Variants in MUC4 observed in about 807,000 individuals in gnomAD.
MUC4 encodes the protein mucin-4.
A neutral mutation model predicts 257.9 loss-of-function variants in MUC4; 202 were observed. The ratio of observed to expected loss-of-function variants is 0.78; its 90% CI spans 0.70 to 0.88. The LOEUF is 0.88. Among genes scored for constraint, MUC4 ranks in the 40% least tolerant of loss-of-function variants. The pLI, the probability that MUC4 is intolerant of heterozygous loss-of-function variation, is 0.00. For synonymous variants in MUC4, 2,351 were observed against 2,757.1 expected (o/e 0.85, Z 4.62); for missense variants, 5,976 against 6,513.7 (o/e 0.92, Z 2.84).
At position 195,780,380 on chromosome 3, in the gene MUC4, G is replaced by A. The variant is rs879693844; in HGVS notation, c.11200C>T (p.Pro3734Ser). The A allele has an allele frequency of 1.2e-6, 1 of 856,188 alleles. No homozygotes were observed. The highest frequency in any genetic ancestry group is 1.6e-6 in the Non-Finnish European group (1 of 627,126). The allele number at this position is 856,188 out of a possible 1,614,324, so 53.0% of individuals were successfully genotyped here. The change falls in exon 2 of 25, where the codon CCT becomes TCT. Residue 3734 changes from proline to serine, a missense_variant. By Grantham distance (74) the Pro-to-Ser change is moderately conservative. This residue lies in a region of MUC4 where 330 missense variants were observed against 262.0 expected (regional missense o/e 1.26). Coordinates refer to ENST00000463781, the MANE Select transcript of MUC4 (RefSeq NM_018406.7). The stretch of plus-strand genomic sequence containing the variant: ...ACGTGACCTGTGGATGCTGAGGAAG[G>A]GCTGGTGACATGAAGAGGGGTGACG... ...GHVTPLHVTS[P>S]SSASTGHVTP...
At chr3:195,800,104 C>T (rs1735106043) in intron 1 of MUC4, among the ~76,000 whole-genome samples, 1 of 151,960 alleles carries the variant, frequency 6.6e-6, no homozygotes, top group African/African-American at 2.4e-5. Context: ...ATGATGAAAC[C>T]CCATCTCTAC....
chr3:195,756,597 TCTTTC>T (rs1386120402), intron 18 of MUC4, among the ~76,000 whole-genome samples: 27 of 149,812 alleles, frequency 1.8e-4, no homozygotes, highest in African/African-American at 6.1e-4. Context: ...CCTTTCCCTT[TCTTTC>T]CTTTCCTTTC....
At position 195,757,713 on chromosome 3, in the gene MUC4, C is replaced by CA. The variant is rs746798053; in HGVS notation, c.14987-386dup. 3.0e-4 allele frequency among the ~76,000 whole-genome samples: 46 copies of CA among 152,200 alleles called. No homozygotes were observed. Among genetic ancestry groups the CA allele is most frequent in the Admixed American group, 3.0e-3 (46 of 15,284 alleles). On this transcript the variant is annotated intron_variant, in intron 17 of 24. Coordinates refer to ENST00000463781, the MANE Select transcript of MUC4 (RefSeq NM_018406.7). This position sits in a 1 kb window ranked among gnomAD's most constrained non-coding sequence, Gnocchi z 4.8. ...CTGCCGGCCAAACTGGCTTCACTCT[C>CA]ACGGCAGCCCCATCCTTTGCCCTGA...
At chr3:195,754,907 GTGTGTCATGCATGTATGCA>G (rs1560227342) in intron 18 of MUC4, among the ~76,000 whole-genome samples, 31 of 46,340 alleles carry the variant, frequency 6.7e-4, no homozygotes, top group African/African-American at 2.0e-3. Context: ...GTATGTATGT[GTGTGTCATGCATGTATGCA>G]TGTATCCATG....
intron 19 of MUC4, chr3:195,753,935 C>T (rs1041282401): frequency 1.7e-5 from 7 of 402,552 alleles, no homozygotes; most frequent in Admixed American, 8.9e-5. Flanking sequence ...CCCATCAATG[C>T]CTCAGGGATG....
chr3:195,799,915 C>T (rs1735081607), intron 1 of MUC4, among the ~76,000 whole-genome samples: 1 of 152,132 alleles, frequency 6.6e-6, no homozygotes, highest in Admixed American at 6.5e-5. Context: ...ATATCCCTAG[C>T]CTGTGAACAA....
At chr3:195,777,703 A>G (rs1194421239) in intron 3 of MUC4, among the ~76,000 whole-genome samples, 22 of 17,152 alleles carry the variant, frequency 1.3e-3, no homozygotes, top group African/African-American at 7.6e-3. Flanking sequence ...TACCTTCCAC[A>G]CCCATACCTT....
Position 195,780,155 on chromosome 3 carries a change from G to T in MUC4, c.11425C>A (p.Leu3809Ile), listed in dbSNP as rs879284228. The change falls in exon 2 of 25, where the codon CTT (leucine) becomes ATT (isoleucine). Residue 3809 changes from leucine to isoleucine, a missense_variant. Leu to Ile is a conservative substitution (Grantham distance 5). Coordinates refer to ENST00000463781, the MANE Select transcript of MUC4 (RefSeq NM_018406.7). Reference protein sequence around the residue: ...SSASTGQATPLPVTSLSSVST... With the variant: ...SSASTGQATPIPVTSLSSVST... ...ACTGAGGAAAGGCTGGTGACAGGAA[G>T]AGGGGTGGCCTGACCTGTGGATGCT... The T allele has an allele frequency of 8.0e-5, 119 of 1,483,454 alleles. No individual in the cohort carries two copies. In the African/African-American group the frequency reaches 1.5e-3, roughly 18 times the overall value. 91.9% of individuals were successfully genotyped at this position (1,483,454 alleles called of 1,614,324 possible). A position where few individuals can be genotyped will look rare whatever the true frequency, so the allele number is the denominator to read the frequency against.
chr3:195,765,119 C>A lies in MUC4; in HGVS notation c.13802G>T (p.Arg4601Leu). The A allele has an allele frequency of 6.2e-7, 1 of 1,611,802 alleles. No homozygotes were observed. The highest frequency in any genetic ancestry group is 8.5e-7 in the Non-Finnish European group (1 of 1,178,850). Residue 4601 changes from arginine (R) to leucine (L), a missense_variant, in exon 10 of 25, where the codon CGC (arginine) becomes CTC (leucine). Arg to Leu is a moderately radical substitution (Grantham distance 102). Transcript: ENST00000463781. The part of the protein sequence containing the change: ...DLRFQPVSIG[R>L]WGLGSRQLCS... Reference sequence around the variant, plus strand: ...CAGCTGCCTACTGCCGAGGCCCCAGCGACCTGAAACAAGTCCAGTCCCACT... The same window carrying A: ...CAGCTGCCTACTGCCGAGGCCCCAGAGACCTGAAACAAGTCCAGTCCCACT...
In MUC4 at chr3:195,805,679, T is replaced by A. The variant is rs533278162; in HGVS notation, c.82+6057A>T. ...CTCCTGCTAATTTTTGTATTTTTAG[T>A]AGAGACGGGGTTTTGCCATGTTGGC... On this transcript the variant is annotated intron_variant, in intron 1 of 24. Transcript: ENST00000463781. 2.0e-5 allele frequency among the ~76,000 whole-genome samples: 3 copies of A among 152,250 alleles called. No individual in the cohort carries two copies. The South Asian group carries it at 6.2e-4, about 32-fold the overall frequency.
intron 2 of MUC4, 27 bp from the exon 3 acceptor site, chr3:195,778,482 G>C (rs763297644): frequency 1.9e-6 from 3 of 1,608,270 alleles, no homozygotes; most frequent in African/African-American, 2.7e-5. Context: ...ACAAGGCGGG[G>C]TGTTTCTTAC....
chr3:195,752,656 G>A (rs898822164), intron 20 of MUC4: 1 of 607,836 alleles, frequency 1.6e-6, no homozygotes, highest in Admixed American at 2.8e-5. Flanking sequence ...ACATTCCACA[G>A]TGACAGAAGG....
In MUC4 at chr3:195,751,045, G is replaced by A. The variant is rs1458385954; in HGVS notation, c.15715C>T (p.Arg5239Cys). Residue 5239 changes from arginine to cysteine, a missense_variant, in exon 23 of 25, where the codon CGC becomes TGC. Transcript: ENST00000463781. ...HWMVISEFQYRPRGPVIDFLN... is the reference protein window; with the variant it reads ...HWMVISEFQYCPRGPVIDFLN... ...AAGTCAATGACCGGGCCCCGAGGGC[G>A]GTACTGGAACTCCGAGATGACCATC... 1.1e-5 allele frequency: 17 copies of A among 1,613,478 alleles called. No individual in the cohort carries two copies. Among genetic ancestry groups the A allele is most frequent in the South Asian group, 2.2e-5 (2 of 91,030 alleles).
Position 195,768,945 on chromosome 3 carries a change from G to T in MUC4, c.13529+77C>A, listed in dbSNP as rs1560268628. The T allele has an allele frequency of 5.9e-6, 9 of 1,534,280 alleles. No homozygotes were observed. In the East Asian group the frequency reaches 1.4e-4, roughly 24 times the overall value. On this transcript the variant is annotated intron_variant, in intron 7 of 24. Coordinates refer to ENST00000463781, the MANE Select transcript of MUC4 (RefSeq NM_018406.7). ...GGGTTCCCGCCTTGCCCCAGGATGG[G>T]AGTGTGTGTGCAGCGAAAGCCGACT...
rs1733604449 is a variant in MUC4, at chr3:195,789,635, A to G, written c.1945T>C (p.Ser649Pro). The G allele has an allele frequency of 6.2e-7, 1 of 1,613,624 alleles. No individual in the cohort carries two copies. The highest frequency in any genetic ancestry group is 1.3e-5 in the African/African-American group (1 of 74,812). ...GGGGAGACGGACCTCGTGGTTTGTG[A>G]TTCTTGTGTGGTCTGCGGGGCTTGA... The part of the protein sequence containing the change: ...HTQAPQTTQE[S>P]QTTRSVSPMT... The change falls in exon 2 of 25, where the codon TCA becomes CCA. Residue 649 changes from serine to proline, a missense_variant. This residue lies in a region of MUC4 where 1,583 missense variants were observed against 1,257.4 expected (regional missense o/e 1.26). Transcript: ENST00000463781.
chr3:195,795,450 A>G (rs2550236), intron 1 of MUC4, among the ~76,000 whole-genome samples: 129,116 of 152,142 alleles, frequency 0.85, 55,424 homozygotes, highest in African/African-American at 0.97. Flanking sequence ...AAAACCAGCC[A>G]ATGCCAGATA....
intron 1 of MUC4, among the ~76,000 whole-genome samples, chr3:195,811,053 C>T (rs1353491118): frequency 6.6e-6 from 1 of 152,072 alleles, no homozygotes; most frequent in Non-Finnish European, 1.5e-5. Context: ...AGCATTCTCC[C>T]TCTGTCTTTC....
chr3:195,747,350 C>G lies in MUC4; in HGVS notation c.16065G>C (p.Trp5355Cys). 1 of 1,614,036 alleles carries G rather than the reference C, an allele frequency of 6.2e-7. No homozygotes were observed. The highest frequency in any genetic ancestry group is 8.5e-7 in the Non-Finnish European group (1 of 1,179,886). Residue 5355 changes from tryptophan (W) to cysteine (C), a missense_variant, in exon 25 of 25, where the codon TGG becomes TGC. Transcript: ENST00000463781. ...TGCTCAGGTGCTCACAGTGCTCGCC[C>G]CAGGCCGTGTAGATGGAGAAGGACA... Reference protein sequence around the residue: ...SCVSFSIYTAWGEHCEHLSMK... With the variant: ...SCVSFSIYTACGEHCEHLSMK...
Position 195,755,296 on chromosome 3 carries a change from A to G in MUC4, c.15169-924T>C, listed in dbSNP as rs534858032. On this transcript the variant is annotated intron_variant, in intron 18 of 24. Transcript: ENST00000463781. This position sits in a 1 kb window ranked among gnomAD's most constrained non-coding sequence, Gnocchi z 5.0. The stretch of plus-strand genomic sequence containing the variant: ...CTGCAATGTCCCCCTCCCAAGTTAA[A>G]GCAATTCTTGTGCCTCAGCCTCCCA... Among the ~76,000 whole-genome samples, 7 of 151,806 alleles carry G rather than the reference A, an allele frequency of 4.6e-5. No individual in the cohort carries two copies. Among genetic ancestry groups the G allele is most frequent in the Non-Finnish European group, 8.8e-5 (6 of 67,962 alleles).
Sources: gnomAD v4.1 joint callset for allele counts (sites outside exome capture counted in the v4.1 genomes callset) on GRCh38, gnomAD v4.1.1 for gene constraint, gnomAD v4.1.1 regional missense constraint, Gnocchi (gnomAD v3.1) non-coding constraint, MANE v1.5 for transcripts, NCBI Gene and HGNC (gene_info 2026-07-23, HGNC 2026-07-21) for gene names.